The following GRM3 variants were observed in gnomAD, a reference collection of about 807,000 sequenced individuals.
GRM3 encodes metabotropic glutamate receptor 3.
A neutral mutation model predicts 70.5 loss-of-function variants in GRM3; 26 were observed. The ratio of observed to expected loss-of-function variants is 0.37; its 90% confidence interval spans 0.27 to 0.51. GRM3 has a LOEUF of 0.51. Ranked by LOEUF, GRM3 falls within the 20% of genes least tolerant of loss-of-function variation. The pLI is 0.93. For synonymous variants in GRM3, 443 were observed against 434.9 expected, an observed-to-expected ratio of 1.02 and a Z score of -0.23; for missense variants, 859 against 1,123.8, an observed-to-expected ratio of 0.76 and a Z score of 3.37.
chr7:86,717,025 G>T (rs987181452), intron 1 of GRM3, among the ~76,000 whole-genome samples: 3 of 151,898 alleles, frequency 2.0e-5, no homozygotes, highest in Non-Finnish European at 2.9e-5. Context: ...GATACTTCCT[G>T]CCTCAGTTCC....
At chr7:86,783,341 A>C (rs1797127631) in intron 2 of GRM3, among the ~76,000 whole-genome samples, 1 of 152,200 alleles carries the variant, frequency 6.6e-6, no homozygotes, top group African/African-American at 2.4e-5. Context: ...GGATAGCCAT[A>C]GTCCTTGAAG....
At chr7:86,782,037 T>G (rs1797078744) in intron 2 of GRM3, among the ~76,000 whole-genome samples, 1 of 152,212 alleles carries the variant, frequency 6.6e-6, no homozygotes. Flanking sequence ...AAACCCATGC[T>G]GATTCCTAGT....
intron 4 of GRM3, among the ~76,000 whole-genome samples, chr7:86,840,716 A>G (rs1183041015): frequency 2.0e-5 from 3 of 152,214 alleles, no homozygotes; most frequent in African/African-American, 4.8e-5. Context: ...TTCTCTCTTC[A>G]GGTATTTGTT....
chr7:86,816,544 A>G (rs559911376), intron 3 of GRM3, among the ~76,000 whole-genome samples: 1 of 151,876 alleles, frequency 6.6e-6, no homozygotes, highest in East Asian at 1.9e-4. Flanking sequence ...GAACATGCAT[A>G]TTTGGTTTTC....
At chr7:86,815,700 G>A (rs907079507) in intron 3 of GRM3, among the ~76,000 whole-genome samples, 1 of 152,016 alleles carries the variant, frequency 6.6e-6, no homozygotes, top group Non-Finnish European at 1.5e-5. Context: ...ACTTATGAGA[G>A]TGAAAAGAAG....
chr7:86,648,200 T>A (rs993964459), intron 1 of GRM3, among the ~76,000 whole-genome samples: 6 of 152,100 alleles, frequency 3.9e-5, no homozygotes, highest in Non-Finnish European at 8.8e-5. Context: ...TAACTATATG[T>A]TCCTAATAAT....
chr7:86,779,704 G>T (rs1372496302), intron 2 of GRM3, among the ~76,000 whole-genome samples: 1 of 152,186 alleles, frequency 6.6e-6, no homozygotes, highest in Admixed American at 6.5e-5. Context: ...TCTGAAGTCA[G>T]GCATTAGAAC....
intron 3 of GRM3, among the ~76,000 whole-genome samples, chr7:86,794,716 C>T (rs1176609935): frequency 1.3e-5 from 2 of 152,036 alleles, no homozygotes; most frequent in African/African-American, 2.4e-5. Flanking sequence ...TCCCTGAACC[C>T]CTAGCATGGT....
chr7:86,762,207 T>C (rs1796496307), intron 1 of GRM3, among the ~76,000 whole-genome samples: 1 of 152,122 alleles, frequency 6.6e-6, no homozygotes, highest in Admixed American at 6.6e-5. Context: ...AAAATTCTAC[T>C]ACAGTATCAA....
At chr7:86,783,453 A>G (rs1039711526) in intron 2 of GRM3, among the ~76,000 whole-genome samples, 8 of 152,226 alleles carry the variant, frequency 5.3e-5, no homozygotes, top group African/African-American at 1.9e-4. Flanking sequence ...CATATCTAAA[A>G]TAGAGATAAT....
At chr7:86,794,947 T>G (rs1000287712) in intron 3 of GRM3, among the ~76,000 whole-genome samples, 1 of 151,532 alleles carries the variant, frequency 6.6e-6, no homozygotes, top group South Asian at 2.1e-4. Context: ...AAATAACATC[T>G]CAACCACCAA....
At chr7:86,654,228 G>A (rs1045608862) in intron 1 of GRM3, among the ~76,000 whole-genome samples, 38 of 152,132 alleles carry the variant, frequency 2.5e-4, no homozygotes, top group Non-Finnish European at 5.1e-4. Context: ...TTACCTCCCA[G>A]GGGTTTTGTG....
At chr7:86,761,774 T>C in intron 1 of GRM3, among the ~76,000 whole-genome samples, 1 of 152,164 alleles carries the variant, frequency 6.6e-6, no homozygotes. Flanking sequence ...ACAGGCTCTA[T>C]TAATCTGTTC....
intron 3 of GRM3, among the ~76,000 whole-genome samples, chr7:86,813,685 T>C (rs747445707): frequency 6.6e-6 from 1 of 151,790 alleles, no homozygotes; most frequent in African/African-American, 2.4e-5. Context: ...CCTATTAATG[T>C]TCCAGATGTT....
intron 3 of GRM3, among the ~76,000 whole-genome samples, chr7:86,804,322 C>A (rs888460849): frequency 6.6e-6 from 1 of 152,300 alleles, no homozygotes. Context: ...CAAATCTCAT[C>A]GACAACCCAA....
In GRM3 at chr7:86,719,941, T is replaced by C. The variant is rs571052369; in HGVS notation, c.-140-45065T>C. On this transcript the variant is annotated intron_variant, in intron 1 of 5. Transcript: ENST00000361669. ...AACTCAATAAAGAATATGGTGGCTG[T>C]GGAGTAGATTACAAGGATAAAAGTA... Among the ~76,000 whole-genome samples, 3 of 152,088 alleles carry C rather than the reference T, an allele frequency of 2.0e-5. No homozygotes were observed. The East Asian group carries it at 5.8e-4, about 30-fold the overall frequency.
intron 3 of GRM3, among the ~76,000 whole-genome samples, chr7:86,788,605 T>A (rs1402028746): frequency 6.6e-6 from 1 of 152,226 alleles, no homozygotes; most frequent in Non-Finnish European, 1.5e-5. Flanking sequence ...AAATGAGCAT[T>A]CATCTTCAAA....
At chr7:86,648,257 A>G (rs766656373) in intron 1 of GRM3, among the ~76,000 whole-genome samples, 3 of 152,214 alleles carry the variant, frequency 2.0e-5, no homozygotes, top group Admixed American at 6.5e-5. Context: ...TCTGATGTTA[A>G]TGACCTATGT....
At chr7:86,808,847 C>G (rs1241947592) in intron 3 of GRM3, among the ~76,000 whole-genome samples, 2 of 151,882 alleles carry the variant, frequency 1.3e-5, no homozygotes, top group Admixed American at 6.6e-5. Flanking sequence ...AGCAAAGAGA[C>G]CAGTGTGGCT....
Sources: gnomAD v4.1 joint callset for allele counts (sites outside exome capture counted in the v4.1 genomes callset) on GRCh38, gnomAD v4.1.1 for gene constraint, MANE v1.5 for transcripts, NCBI Gene and HGNC (gene_info 2026-07-23, HGNC 2026-07-21) for gene names.